The following ZNF331 variants were observed in gnomAD, a reference collection of about 807,000 sequenced individuals.
The protein encoded by ZNF331 is C2H2-like zinc finger protein rearranged in thyroid adenomas.
In ZNF331, 2 loss-of-function variants were observed where a neutral mutation model predicts 7.0. That is an observed-to-expected ratio of 0.29 (90% CI 0.12 to 0.90). The LOEUF is 0.90. ZNF331 is among the 40% of genes least tolerant of loss of function. The pLI is 0.58. For synonymous variants in ZNF331, 196 were observed against 205.4 expected (o/e 0.95, Z 0.39); for missense variants, 432 against 587.7 (o/e 0.74, Z 2.74).
chr19:53,549,553 C>T (rs1398448972), intron 2 of ZNF331, among the ~76,000 whole-genome samples: 1 of 152,020 alleles, frequency 6.6e-6, no homozygotes, highest in Admixed American at 6.6e-5. Context: ...GATTCTGTTC[C>T]TCTGTGGTTG....
chr19:53,503,907 A>G, the ZNF331 span: 57,167 of 578,136 alleles, frequency 0.099, 2,859 homozygotes, highest in African/African-American at 0.2. Flanking sequence ...GATCACGAGG[A>G]CACCAGAGAG....
chr19:53,576,563 A>G (rs1425318492), intron 5 of ZNF331, 134 bp from the exon 6 acceptor site: 2 of 705,736 alleles, frequency 2.8e-6, no homozygotes, highest in African/African-American at 3.6e-5. Flanking sequence ...CTACATTTTA[A>G]CAAGAGCCCT....
At chr19:53,546,158 A>T (rs2088598009) in intron 2 of ZNF331, among the ~76,000 whole-genome samples, 2 of 147,298 alleles carry the variant, frequency 1.4e-5, no homozygotes, top group African/African-American at 5.2e-5. Flanking sequence ...AAAAAAAAAA[A>T]AAATTATTAT....
At position 53,577,092 on chromosome 19, in the gene ZNF331, C is replaced by A. The variant is rs1372573358; in HGVS notation, c.532C>A (p.Gln178Lys). The change falls in exon 6 of 6, where the codon CAA (glutamine) becomes AAA (lysine). Residue 178 changes from glutamine (Q) to lysine (K), a missense_variant. Gln to Lys is a moderately conservative substitution (Grantham distance 53). Transcript: ENST00000449416. Reference sequence around the variant, plus strand: ...TTGGGGCAATCAGCTTACTCAACATCAAAAAATTCATACTGGGGAGAAGCC... The same window carrying A: ...TTGGGGCAATCAGCTTACTCAACATAAAAAAATTCATACTGGGGAGAAGCC... The part of the protein sequence containing the change: ...FRWGNQLTQH[Q>K]KIHTGEKPYE... 1.2e-6 allele frequency: 2 copies of A among 1,614,094 alleles called. No homozygotes were observed. Among genetic ancestry groups the A allele is most frequent in the South Asian group, 2.2e-5 (2 of 91,082 alleles).
chr19:53,558,611 A>C lies in ZNF331; in HGVS notation c.-74+2703A>C, dbSNP rs2089582705. Among the ~76,000 whole-genome samples the C allele has an allele frequency of 6.6e-6, 1 of 151,980 alleles. No homozygotes were observed. ...CTCTCAGTGCAGCATTCCTTCCTACAGGTACAGGGCAGGACCCTCTCTGGA... is the reference window on the plus strand; with the variant it reads ...CTCTCAGTGCAGCATTCCTTCCTACCGGTACAGGGCAGGACCCTCTCTGGA... On this transcript the variant is annotated intron_variant, in intron 3 of 5. Transcript: ENST00000449416. This position sits in a 1 kb window ranked among gnomAD's most constrained non-coding sequence, Gnocchi z 4.5.
At chr19:53,531,317 T>G (rs2708817) in intron 2 of ZNF331, among the ~76,000 whole-genome samples, 101,423 of 152,058 alleles carry the variant, frequency 0.67, 34,860 homozygotes, top group African/African-American at 0.84. Context: ...AAAGAGGTGT[T>G]GGGGGTTCAT....
intron 3 of ZNF331, among the ~76,000 whole-genome samples, chr19:53,566,330 T>C (rs2090154416): frequency 6.6e-6 from 1 of 152,068 alleles, no homozygotes; most frequent in Non-Finnish European, 1.5e-5. Context: ...TTTTGCTCTT[T>C]CGTCCAGGCT....
chr19:53,522,256 G>GT (rs560872830), intron 1 of ZNF331, among the ~76,000 whole-genome samples: 32,302 of 139,438 alleles, frequency 0.23, 4,191 homozygotes, highest in African/African-American at 0.35. Flanking sequence ...TTCTTTCTTT[G>GT]TTTTTTTTTT....
chr19:53,575,766 T>C (rs1237718318), intron 5 of ZNF331, among the ~76,000 whole-genome samples: 1 of 134,822 alleles, frequency 7.4e-6, no homozygotes, highest in South Asian at 2.6e-4. Context: ...TCACCGCAAC[T>C]TCTGCCTCCC....
chr19:53,566,199 T>C (rs1434210288), intron 3 of ZNF331, among the ~76,000 whole-genome samples: 1 of 151,920 alleles, frequency 6.6e-6, no homozygotes, highest in Non-Finnish European at 1.5e-5. Context: ...TCACACCGGA[T>C]GTGCCTGGCT....
intron 2 of ZNF331, among the ~76,000 whole-genome samples, chr19:53,545,510 A>G (rs1303393813): frequency 6.6e-6 from 1 of 152,168 alleles, no homozygotes; most frequent in Non-Finnish European, 1.5e-5. Flanking sequence ...CTCGCCCGGC[A>G]TCACCCCACT....
chr19:53,534,504 C>T (rs978818065), upstream of ZNF331, among the ~76,000 whole-genome samples: 3 of 152,080 alleles, frequency 2.0e-5, no homozygotes, highest in East Asian at 5.8e-4. Flanking sequence ...CCAGGCTGGT[C>T]TCGAACTCTT....
At chr19:53,515,659 G>A (rs557255006), upstream of ZNF331, among the ~76,000 whole-genome samples, 41 of 152,222 alleles carry the variant, frequency 2.7e-4, no homozygotes, top group Middle Eastern at 3.4e-3. Context: ...CACCACGCCC[G>A]GCTAATTTTG....
At chr19:53,559,605 A>G (rs1368681929) in intron 3 of ZNF331, among the ~76,000 whole-genome samples, 2 of 137,874 alleles carry the variant, frequency 1.5e-5, no homozygotes, top group Non-Finnish European at 3.1e-5. Context: ...ATGTACATAC[A>G]CACCCCATAT....
chr19:53,521,325 TGTGTGA>T (rs201628198), exon 1 of ZNF331: 4,302 of 97,786 alleles, frequency 0.044, 133 homozygotes, highest in African/African-American at 0.13. Flanking sequence ...AGTGGGAGTG[TGTGTGA>T]GTGTGTGTGT....
chr19:53,513,077 C>G, the ZNF331 span, among the ~76,000 whole-genome samples: 1 of 151,638 alleles, frequency 6.6e-6, no homozygotes, highest in Non-Finnish European at 1.5e-5. Flanking sequence ...CCTCTTCCTT[C>G]TGGACCTCCT....
intron 2 of ZNF331, among the ~76,000 whole-genome samples, chr19:53,544,982 C>T (rs2088494774): frequency 6.6e-6 from 1 of 152,072 alleles, no homozygotes; most frequent in Admixed American, 6.6e-5. Context: ...CCTTGGCCTC[C>T]AAAAGTGCTG....
the ZNF331 span, among the ~76,000 whole-genome samples, chr19:53,506,239 G>A: frequency 7.8e-6 from 1 of 128,182 alleles, no homozygotes; most frequent in Non-Finnish European, 1.6e-5. Context: ...GGAGGCTGAG[G>A]CAGGAGAATG....
upstream of ZNF331, among the ~76,000 whole-genome samples, chr19:53,533,174 C>T (rs1249936816): frequency 1.3e-5 from 2 of 151,236 alleles, no homozygotes; most frequent in African/African-American, 4.8e-5. Flanking sequence ...CTGCGTTTCT[C>T]AAGATTTGGT....
Sources: allele counts gnomAD v4.1 joint callset (sites outside exome capture counted in the v4.1 genomes callset), GRCh38; gene constraint gnomAD v4.1.1; non-coding constraint Gnocchi (gnomAD v3.1); transcripts MANE v1.5; gene names NCBI Gene and HGNC (gene_info 2026-07-23, HGNC 2026-07-21).